The following NELL2 variants were observed in gnomAD, a reference collection of about 807,000 sequenced individuals.
NELL2 encodes the protein neural EGFL like 2, also known as protein kinase C-binding protein NELL2.
A neutral mutation model predicts 109.6 loss-of-function variants in NELL2; 41 were observed. The ratio of observed to expected loss-of-function variants is 0.37; its 90% CI spans 0.29 to 0.49. NELL2 has a LOEUF of 0.49. Among genes scored for constraint, NELL2 ranks in the 20% least tolerant of loss-of-function variants. NELL2 has a pLI of 0.98. For synonymous variants in NELL2, 355 were observed against 344.7 expected (o/e 1.03, Z -0.33); for missense variants, 900 against 1,008.3 (o/e 0.89, Z 1.45).
chr12:44,630,516 C>A (rs1946416416), intron 13 of NELL2, among the ~76,000 whole-genome samples: 1 of 152,118 alleles, frequency 6.6e-6, no homozygotes, highest in Admixed American at 6.6e-5. Flanking sequence ...CTTAACTGCT[C>A]TACAGATCAA....
At chr12:44,617,470 G>A (rs1192958552) in intron 13 of NELL2, among the ~76,000 whole-genome samples, 1 of 106,308 alleles carries the variant, frequency 9.4e-6, no homozygotes, top group African/African-American at 6.2e-5. Flanking sequence ...GGCGGATCAC[G>A]AGGTCAGGAG....
intron 12 of NELL2, among the ~76,000 whole-genome samples, chr12:44,670,452 C>G (rs1383170015): frequency 1.3e-5 from 2 of 151,740 alleles, no homozygotes; most frequent in Non-Finnish European, 2.9e-5. Context: ...AACAATATGA[C>G]AGAAATCCCC....
At chr12:44,730,424 T>TCATAC (rs1371237028) in intron 9 of NELL2, among the ~76,000 whole-genome samples, 1 of 152,026 alleles carries the variant, frequency 6.6e-6, no homozygotes, top group Non-Finnish European at 1.5e-5. Flanking sequence ...GAAGATGAAA[T>TCATAC]CATACCAGTA....
At chr12:44,583,113 C>A (rs7975796) in intron 15 of NELL2, among the ~76,000 whole-genome samples, 128,621 of 152,114 alleles carry the variant, frequency 0.85, 54,738 homozygotes, top group East Asian at 1. Context: ...CTGTTATAGC[C>A]ACACAAAACA....
chr12:44,814,968 C>G (rs936912863), intron 3 of NELL2, among the ~76,000 whole-genome samples: 1 of 152,108 alleles, frequency 6.6e-6, no homozygotes, highest in Admixed American at 6.5e-5. Flanking sequence ...CTTTAATCCT[C>G]ACAACAACTT....
chr12:44,517,910 T>C (rs1941347199), intron 19 of NELL2, among the ~76,000 whole-genome samples: 1 of 152,168 alleles, frequency 6.6e-6, no homozygotes, highest in African/African-American at 2.4e-5. Flanking sequence ...AAAATAGTGC[T>C]TTCAAAGCAC....
chr12:44,876,733 C>G (rs1240444255), upstream of NELL2: 4 of 1,534,834 alleles, frequency 2.6e-6, no homozygotes, highest in Admixed American at 2.1e-5. Flanking sequence ...CATGTGCACT[C>G]GTGCACTGGG....
At chr12:44,919,605 G>A (rs930433105) in intron 1 of NELL2, among the ~76,000 whole-genome samples, 2 of 152,152 alleles carry the variant, frequency 1.3e-5, no homozygotes, top group African/African-American at 4.8e-5. Context: ...CAGAGAGAAT[G>A]CTGTGTGAAC....
intron 3 of NELL2, among the ~76,000 whole-genome samples, chr12:44,813,841 C>T (rs1943252769): frequency 6.6e-6 from 1 of 152,060 alleles, no homozygotes; most frequent in African/African-American, 2.4e-5. Context: ...TAAAGCCCTG[C>T]CTATAACTTT....
intron 3 of NELL2, among the ~76,000 whole-genome samples, chr12:44,812,152 G>A (rs1345308907): frequency 1.3e-5 from 2 of 152,174 alleles, no homozygotes; most frequent in Admixed American, 6.5e-5. Flanking sequence ...GCAATGTGGT[G>A]TGAAGGACAC....
At chr12:44,916,287 G>T (rs1010859311), upstream of NELL2, among the ~76,000 whole-genome samples, 2 of 151,976 alleles carry the variant, frequency 1.3e-5, no homozygotes, top group Admixed American at 6.6e-5. Flanking sequence ...GTCAAATGAG[G>T]CAAAGAAAAT....
intron 15 of NELL2, among the ~76,000 whole-genome samples, chr12:44,546,269 T>C (rs1362252324): frequency 1.3e-5 from 2 of 152,092 alleles, no homozygotes; most frequent in Non-Finnish European, 2.9e-5. Flanking sequence ...GAATGAGAAG[T>C]TGTCAGATAT....
At chr12:44,791,593 A>G (rs560743953) in intron 3 of NELL2, among the ~76,000 whole-genome samples, 39 of 151,862 alleles carry the variant, frequency 2.6e-4, no homozygotes, top group African/African-American at 9.4e-4. Context: ...ATATTTGGAA[A>G]ATAGAGCTGA....
At chr12:44,682,772 A>G (rs1432854497) in intron 12 of NELL2, among the ~76,000 whole-genome samples, 1 of 152,038 alleles carries the variant, frequency 6.6e-6, no homozygotes, top group Admixed American at 6.6e-5. Flanking sequence ...CGTTCCATTG[A>G]TCTATATCTC....
rs141422141 is a variant in NELL2 at position 44,892,875 on chromosome 12, T to C, written c.39-16975A>G. ...AATTCAACATCAGTAAGGAGCACAA[T>C]TGAGCTTTGCATTTATTTTAACAAT... On this transcript the variant is annotated intron_variant, in intron 1 of 20. Transcript: ENST00000333837. Among the ~76,000 whole-genome samples the C allele has an allele frequency of 1.1e-3, 167 of 150,602 alleles. 1 individual carries two copies. The highest frequency in any genetic ancestry group is 3.5e-3 in the African/African-American group (142 of 40,940).
chr12:44,889,550 A>C (rs950608578), intron 1 of NELL2, among the ~76,000 whole-genome samples: 3 of 151,948 alleles, frequency 2.0e-5, no homozygotes, highest in Non-Finnish European at 4.4e-5. Flanking sequence ...GGTCCTGTTT[A>C]AGGTTTTCTA....
intron 15 of NELL2, among the ~76,000 whole-genome samples, chr12:44,574,065 A>T (rs535073157): frequency 6.7e-6 from 1 of 150,144 alleles, no homozygotes; most frequent in Non-Finnish European, 1.5e-5. Flanking sequence ...TTTTTATTTT[A>T]TTTTTATTTT....
At chr12:44,658,907 A>G (rs1229331026) in intron 13 of NELL2, among the ~76,000 whole-genome samples, 1 of 151,428 alleles carries the variant, frequency 6.6e-6, no homozygotes, top group African/African-American at 2.4e-5. Flanking sequence ...AAAGAAAAGA[A>G]AAAGAACAAA....
chr12:44,577,215 C>T (rs1389534534), intron 15 of NELL2, among the ~76,000 whole-genome samples: 2 of 95,622 alleles, frequency 2.1e-5, no homozygotes. Context: ...CTGTTGTTTC[C>T]TGACTTTTTA....
Sources: gnomAD v4.1 joint callset for allele counts (sites outside exome capture counted in the v4.1 genomes callset) on GRCh38, gnomAD v4.1.1 for gene constraint, MANE v1.5 for transcripts, NCBI Gene and HGNC (gene_info 2026-07-23, HGNC 2026-07-21) for gene names.